Variants in DLGAP2 observed in about 807,000 individuals in gnomAD.
The protein encoded by DLGAP2 is disks large-associated protein 2.
Under a neutral mutation model 100.3 loss-of-function variants are expected in DLGAP2, and 26 were observed. The observed-to-expected ratio is 0.26, with a 90% CI of 0.19 to 0.36. The LOEUF is 0.36. DLGAP2 is among the 10% of genes least tolerant of loss of function. The probability of loss-of-function intolerance (pLI) is 1.00; values close to 1 mark genes in which losing one functional copy is unlikely to be tolerated. For missense variants in DLGAP2, 1,858 were observed against 1,453.2 expected (o/e 1.28, Z -4.53); for synonymous variants, 886 against 630.1 (o/e 1.41, Z -6.08).
intron 3 of DLGAP2, among the ~76,000 whole-genome samples, chr8:1,386,280 C>A (rs1314009926): frequency 6.6e-6 from 1 of 152,044 alleles, no homozygotes; most frequent in Non-Finnish European, 1.5e-5. Flanking sequence ...AATCACCAGA[C>A]CCAAAGTCGG....
At chr8:1,178,426 C>T (rs1418265755) in intron 2 of DLGAP2, among the ~76,000 whole-genome samples, 1 of 152,118 alleles carries the variant, frequency 6.6e-6, no homozygotes. Context: ...GGTTGGTGCC[C>T]CCACTCACTC....
At chr8:1,367,041 T>C (rs909611582) in intron 3 of DLGAP2, among the ~76,000 whole-genome samples, 1 of 150,658 alleles carries the variant, frequency 6.6e-6, no homozygotes, top group African/African-American at 2.4e-5. Context: ...CACACACACA[T>C]GTGACCACAG....
chr8:1,273,982 A>G (rs1799633117), intron 3 of DLGAP2, among the ~76,000 whole-genome samples: 2 of 152,188 alleles, frequency 1.3e-5, no homozygotes, highest in Non-Finnish European at 2.9e-5. Context: ...TCCAAACCTG[A>G]GTCATTCAGT....
intron 3 of DLGAP2, among the ~76,000 whole-genome samples, chr8:1,310,154 A>ATTTATC (rs1161888174): frequency 1.3e-5 from 2 of 152,122 alleles, no homozygotes; most frequent in African/African-American, 4.8e-5. Flanking sequence ...AATATTATAA[A>ATTTATC]TTTATCTTCA....
At chr8:1,243,665 T>A (rs1486723578) in intron 2 of DLGAP2, among the ~76,000 whole-genome samples, 2 of 152,160 alleles carry the variant, frequency 1.3e-5, no homozygotes, top group African/African-American at 2.4e-5. Context: ...TGTCCCATAC[T>A]CGGTGGGGCT....
chr8:803,995 T>C (rs113831406), intron 1 of DLGAP2, among the ~76,000 whole-genome samples: 2,203 of 152,270 alleles, frequency 0.014, 71 homozygotes, highest in African/African-American at 0.05. Context: ...AGCTGCTGCC[T>C]TCTTGCTGGG....
intron 12 of DLGAP2, among the ~76,000 whole-genome samples, chr8:1,686,725 G>C (rs1349362264): frequency 2.6e-5 from 4 of 152,034 alleles, no homozygotes; most frequent in Non-Finnish European, 5.9e-5. Flanking sequence ...GTGGTTACCG[G>C]AACAGGAGAG....
At chr8:948,830 T>TG (rs1360427471) in intron 2 of DLGAP2, among the ~76,000 whole-genome samples, 3 of 152,186 alleles carry the variant, frequency 2.0e-5, no homozygotes, top group Non-Finnish European at 4.4e-5. Flanking sequence ...CCTCATGCTT[T>TG]GGAGCAGAGG....
At chr8:1,315,359 C>G (rs34950663) in intron 3 of DLGAP2, among the ~76,000 whole-genome samples, 28 of 135,082 alleles carry the variant, frequency 2.1e-4, no homozygotes, top group South Asian at 7.8e-4. Context: ...AAAATAGAGC[C>G]TATGCGAGTG....
At chr8:1,293,108 G>T (rs1252262765) in intron 3 of DLGAP2, among the ~76,000 whole-genome samples, 2 of 152,152 alleles carry the variant, frequency 1.3e-5, no homozygotes, top group Non-Finnish European at 2.9e-5. Flanking sequence ...CATGAGCAGG[G>T]TCTGCATTTT....
At chr8:1,476,734 C>A (rs1213388428) in intron 3 of DLGAP2, among the ~76,000 whole-genome samples, 2 of 152,080 alleles carry the variant, frequency 1.3e-5, no homozygotes, top group South Asian at 2.1e-4. Context: ...ACCCACTAGC[C>A]CGTTCTGCAG....
rs111936280 is a variant in DLGAP2 at position 1,652,170 on chromosome 8, G to C, written c.1811-16159G>C. Among the ~76,000 whole-genome samples the C allele has an allele frequency of 4.5e-3, 687 of 152,316 alleles. 6 individuals are homozygous for C. Among genetic ancestry groups the C allele is most frequent in the African/African-American group, 0.015 (637 of 41,560 alleles). ...TAAGGAACTATTACATTAGACCCTT[G>C]GTGTAGGCAGCAAAGGAGATTGGGC... On this transcript the variant is annotated intron_variant, in intron 8 of 14. Coordinates refer to ENST00000637795, the MANE Select transcript of DLGAP2 (RefSeq NM_001346810.2).
intron 3 of DLGAP2, among the ~76,000 whole-genome samples, chr8:1,347,593 A>G (rs1801595144): frequency 6.6e-6 from 1 of 151,246 alleles, no homozygotes; most frequent in African/African-American, 2.4e-5. Flanking sequence ...AACTGTGTGG[A>G]GGTTGAGTTC....
chr8:1,205,119 A>G (rs1268744897), intron 2 of DLGAP2, among the ~76,000 whole-genome samples: 1 of 152,136 alleles, frequency 6.6e-6, no homozygotes, highest in African/African-American at 2.4e-5. Context: ...CCAGGTGGGA[A>G]TTTCTGCATC....
chr8:853,018 A>G (rs1372334864), intron 1 of DLGAP2, among the ~76,000 whole-genome samples: 22 of 152,242 alleles, frequency 1.4e-4, no homozygotes, highest in Admixed American at 1.4e-3. Context: ...GACACATTAA[A>G]TAGTTACAGA....
At chr8:1,326,193 A>T (rs961242696) in intron 3 of DLGAP2, among the ~76,000 whole-genome samples, 17 of 152,312 alleles carry the variant, frequency 1.1e-4, no homozygotes, top group African/African-American at 4.1e-4. Flanking sequence ...GCATGCTTTT[A>T]CCATTTGTCT....
chr8:1,282,134 C>T (rs1295280095), intron 3 of DLGAP2, among the ~76,000 whole-genome samples: 2 of 149,118 alleles, frequency 1.3e-5, no homozygotes, highest in African/African-American at 5.0e-5. Context: ...CATGGTGTGA[C>T]CTGAACCCAG....
At chr8:1,017,498 GTGTGTGTGACCAGGACAGACGCCTCCAC>G (rs1305101646) in intron 2 of DLGAP2, among the ~76,000 whole-genome samples, 20 of 92,744 alleles carry the variant, frequency 2.2e-4, no homozygotes, top group South Asian at 3.4e-4. Flanking sequence ...CGCCTCCACT[GTGTGTGTGACCAGGACAGACGCCTCCAC>G]TGTGTGTGAC....
chr8:1,252,984 G>C (rs954224488), intron 2 of DLGAP2, among the ~76,000 whole-genome samples: 1 of 152,190 alleles, frequency 6.6e-6, no homozygotes, highest in African/African-American at 2.4e-5. Flanking sequence ...GCTGGGCCTC[G>C]CATCTAGGCA....
Sources: gnomAD v4.1 joint callset for allele counts (sites outside exome capture counted in the v4.1 genomes callset) on GRCh38, gnomAD v4.1.1 for gene constraint, MANE v1.5 for transcripts, NCBI Gene and HGNC (gene_info 2026-07-23, HGNC 2026-07-21) for gene names.